ESRRG: variants seen among roughly 807,000 people sequenced by gnomAD.
ESRRG encodes estrogen related receptor gamma.
ESRRG carries 13 observed loss-of-function variants against 44.0 expected under a neutral mutation model. The observed-to-expected ratio is 0.30, with a 90% CI of 0.19 to 0.47. The LOEUF (loss-of-function observed/expected upper bound fraction) is 0.47. Ranked by LOEUF, ESRRG falls within the 20% of genes least tolerant of loss-of-function variation. ESRRG has a pLI of 1.00. For missense variants in ESRRG, 395 were observed against 580.6 expected, an observed-to-expected ratio of 0.68 and a Z score of 3.29; for synonymous variants, 215 against 214.6, an observed-to-expected ratio of 1.00 and a Z score of -0.02.
At chr1:217,125,901 A>G (rs2092883175) in intron 1 of ESRRG, among the ~76,000 whole-genome samples, 1 of 152,176 alleles carries the variant, frequency 6.6e-6, no homozygotes, top group Admixed American at 6.5e-5. Flanking sequence ...TTTGCTGTGT[A>G]TGAGAACCTC....
chr1:216,537,256 G>A (rs2051254216), intron 5 of ESRRG, among the ~76,000 whole-genome samples: 1 of 151,944 alleles, frequency 6.6e-6, no homozygotes. Flanking sequence ...ACAGAGCATG[G>A]TGAGAAGAGA....
intron 3 of ESRRG, 119 bp downstream of exon 3, chr1:216,650,854 G>A: frequency 2.8e-6 from 2 of 710,612 alleles, no homozygotes; most frequent in Non-Finnish European, 5.2e-6. Context: ...TCTGCCATCA[G>A]AGTCAGGGTA....
chr1:217,001,818 C>A (rs1490832512), intron 1 of ESRRG, among the ~76,000 whole-genome samples: 1 of 152,148 alleles, frequency 6.6e-6, no homozygotes, highest in Admixed American at 6.5e-5. Flanking sequence ...ACCATACCAG[C>A]ATTTTGAACA....
intron 2 of ESRRG, among the ~76,000 whole-genome samples, chr1:216,821,232 C>A (rs1054750918): frequency 6.6e-6 from 1 of 152,182 alleles, no homozygotes; most frequent in African/African-American, 2.4e-5. Context: ...CTCACTAGGA[C>A]GTGCAGTTTC....
At chr1:216,982,187 C>G (rs567728936) in intron 1 of ESRRG, among the ~76,000 whole-genome samples, 1 of 152,228 alleles carries the variant, frequency 6.6e-6, no homozygotes, top group Non-Finnish European at 1.5e-5. Flanking sequence ...GCACTCAGTG[C>G]CACTTTGAGA....
At chr1:216,730,762 T>C (rs1251875344) in intron 2 of ESRRG, among the ~76,000 whole-genome samples, 1 of 151,974 alleles carries the variant, frequency 6.6e-6, no homozygotes, top group East Asian at 1.9e-4. Flanking sequence ...ATAAGATGAT[T>C]GGAAAAAATA....
At chr1:217,006,317 T>C (rs2077731189) in intron 1 of ESRRG, among the ~76,000 whole-genome samples, 1 of 152,118 alleles carries the variant, frequency 6.6e-6, no homozygotes, top group African/African-American at 2.4e-5. Context: ...GTTAGGCTTA[T>C]CTGAGTAATC....
intron 1 of ESRRG, among the ~76,000 whole-genome samples, chr1:216,689,732 C>T (rs1313147029): frequency 6.6e-6 from 1 of 152,026 alleles, no homozygotes; most frequent in Non-Finnish European, 1.5e-5. Flanking sequence ...CACACACAAA[C>T]ATATTATCTA....
At chr1:217,130,020 A>C (rs2092943413) in intron 1 of ESRRG, among the ~76,000 whole-genome samples, 1 of 152,210 alleles carries the variant, frequency 6.6e-6, no homozygotes, top group Admixed American at 6.5e-5. Context: ...AACCCCCAGC[A>C]GAAGAAGCAA....
chr1:216,526,476 C>A (rs1359663555), intron 5 of ESRRG, among the ~76,000 whole-genome samples: 1 of 152,086 alleles, frequency 6.6e-6, no homozygotes, highest in Non-Finnish European at 1.5e-5. Flanking sequence ...CCAGGAGAGA[C>A]AGGAGAGAAG....
In ESRRG at chr1:216,631,957, G is replaced by A. The variant is rs559052265; in HGVS notation, c.589+19016C>T. Among the ~76,000 whole-genome samples the A allele has an allele frequency of 4.6e-5, 7 of 152,206 alleles. No homozygotes were observed. In the South Asian group the frequency reaches 6.2e-4, roughly 14 times the overall value. On this transcript the variant is annotated intron_variant, in intron 3 of 6. Transcript: ENST00000408911. Reference sequence around the variant, plus strand: ...GAACTGTCACTCTCTCCCTCCTGAGGTGCCCTCCGTACCATAAGCAAATAA... The same window carrying A: ...GAACTGTCACTCTCTCCCTCCTGAGATGCCCTCCGTACCATAAGCAAATAA...
intron 5 of ESRRG, among the ~76,000 whole-genome samples, chr1:216,527,906 G>A (rs1415744722): frequency 2.0e-5 from 3 of 152,084 alleles, no homozygotes; most frequent in African/African-American, 7.2e-5. Flanking sequence ...AGATGTATCT[G>A]TATCCTCTGG....
intron 5 of ESRRG, among the ~76,000 whole-genome samples, chr1:216,543,668 T>G (rs527601374): frequency 4.6e-5 from 7 of 152,132 alleles, no homozygotes; most frequent in African/African-American, 1.7e-4. Flanking sequence ...ACATTTGCTG[T>G]GTAGTCTCTC....
In ESRRG at chr1:216,666,003, G is replaced by T. The variant is rs2073840220; in HGVS notation, c.472+11073C>A. Among the ~76,000 whole-genome samples, 3 of 151,954 alleles carry T rather than the reference G, an allele frequency of 2.0e-5. No individual in the cohort carries two copies. The South Asian group carries it at 6.2e-4, about 32-fold the overall frequency. ...TCAGGAAAACACATCACTGCCCTGG[G>T]CTTTACCAAAAAAAGAAAATAAAAT... is the stretch of plus-strand genomic sequence containing the variant. On this transcript the variant is annotated intron_variant, in intron 2 of 6. Coordinates refer to ENST00000408911, the MANE Select transcript of ESRRG (RefSeq NM_001438.4).
intron 2 of ESRRG, among the ~76,000 whole-genome samples, chr1:216,833,028 T>A (rs930074881): frequency 7.9e-5 from 12 of 152,040 alleles, no homozygotes; most frequent in Admixed American, 2.6e-4. Context: ...ATTTTATTTT[T>A]TTTTCTCTGT....
intron 1 of ESRRG, among the ~76,000 whole-genome samples, chr1:216,692,398 GA>G (rs1282310119): frequency 6.6e-6 from 1 of 151,226 alleles, no homozygotes; most frequent in Non-Finnish European, 1.5e-5. Flanking sequence ...CTGAAAAATA[GA>G]AAAAACCTTA....
chr1:216,659,140 A>C (rs1304836426), intron 2 of ESRRG, among the ~76,000 whole-genome samples: 1 of 152,196 alleles, frequency 6.6e-6, no homozygotes, highest in African/African-American at 2.4e-5. Context: ...TTTCTGAGGA[A>C]AAAGGAGAGA....
At chr1:216,536,960 T>C (rs1309144322) in intron 5 of ESRRG, among the ~76,000 whole-genome samples, 1 of 151,928 alleles carries the variant, frequency 6.6e-6, no homozygotes, top group Non-Finnish European at 1.5e-5. Flanking sequence ...GGAGCTGCTG[T>C]TGTAAGCAGT....
At chr1:217,130,562 A>T (rs2102533528) in intron 1 of ESRRG, among the ~76,000 whole-genome samples, 1 of 152,276 alleles carries the variant, frequency 6.6e-6, no homozygotes, top group East Asian at 1.9e-4. Context: ...CTGATGTTAC[A>T]TCTCCACTTC....
Sources: gnomAD v4.1 joint callset for allele counts (sites outside exome capture counted in the v4.1 genomes callset) on GRCh38, gnomAD v4.1.1 for gene constraint, MANE v1.5 for transcripts, NCBI Gene and HGNC (gene_info 2026-07-23, HGNC 2026-07-21) for gene names.